The following MPHOSPH9 variants were observed in gnomAD, a reference collection of about 807,000 sequenced individuals.
The protein encoded by MPHOSPH9 is M-phase phosphoprotein 9.
Under a neutral mutation model 145.5 loss-of-function variants are expected in MPHOSPH9, and 88 were observed. The ratio of observed to expected loss-of-function variants is 0.60; its 90% confidence interval spans 0.51 to 0.72. The LOEUF (loss-of-function observed/expected upper bound fraction) is 0.72, where lower values mean the gene tolerates loss of function less well. MPHOSPH9 is among the 30% of genes least tolerant of loss of function. The probability of loss-of-function intolerance (pLI) is 0.00; values close to 1 mark genes in which losing one functional copy is unlikely to be tolerated. For missense variants in MPHOSPH9, 1,238 were observed against 1,386.6 expected (o/e 0.89, Z 1.70); for synonymous variants, 435 against 486.2 (o/e 0.89, Z 1.39).
intron 10 of MPHOSPH9, 71 bp downstream of exon 10, chr12:123,202,553 A>G: frequency 7.0e-6 from 10 of 1,435,748 alleles, no homozygotes; most frequent in Non-Finnish European, 8.5e-6. Flanking sequence ...CTGAAGTTCA[A>G]TAAAGATCAT....
At chr12:123,153,186 G>A (rs998943184), downstream of MPHOSPH9, 3 of 152,128 alleles carry the variant, frequency 2.0e-5, no homozygotes, top group African/African-American at 7.2e-5. Flanking sequence ...GAGGATACTG[G>A]CAATAATTTT....
chr12:123,222,343 T>C (rs2047239463), intron 4 of MPHOSPH9, among the ~76,000 whole-genome samples: 1 of 136,324 alleles, frequency 7.3e-6, no homozygotes, highest in African/African-American at 2.8e-5. Context: ...AAAAAAAAAT[T>C]GATATAACGT....
At chr12:123,161,008 C>G in intron 22 of MPHOSPH9, 128 bp downstream of exon 22, 1 of 1,356,420 alleles carries the variant, frequency 7.4e-7, no homozygotes, top group Non-Finnish European at 1.0e-6. Flanking sequence ...AAATCCGTTG[C>G]TAGCACAGCT....
chr12:123,195,534 C>T (rs2045907967), intron 12 of MPHOSPH9, among the ~76,000 whole-genome samples: 1 of 151,374 alleles, frequency 6.6e-6, no homozygotes, highest in South Asian at 2.1e-4. Context: ...GGCAACGAGC[C>T]GAGATCATGC....
At chr12:123,194,259 ACT>A in intron 13 of MPHOSPH9, 125 bp downstream of exon 13, 1 of 667,478 alleles carries the variant, frequency 1.5e-6, no homozygotes, top group Non-Finnish European at 2.4e-6. Flanking sequence ...TCAGAGTGAG[ACT>A]CTGTCTCAAA....
chr12:123,202,380 A>G (rs1321503007), intron 10 of MPHOSPH9, 61 bp from the exon 11 acceptor site: 8 of 1,477,136 alleles, frequency 5.4e-6, no homozygotes, highest in Middle Eastern at 1.8e-4. Flanking sequence ...CCATCCCACA[A>G]GAGAAACCAA....
chr12:123,210,614 C>T (rs1403404437), intron 7 of MPHOSPH9, among the ~76,000 whole-genome samples: 1 of 151,782 alleles, frequency 6.6e-6, no homozygotes, highest in African/African-American at 2.4e-5. Flanking sequence ...ATCGCTTGAA[C>T]CCAGGAGACA....
Position 123,179,045 on chromosome 12 carries a change from G to T in MPHOSPH9, c.2354+881C>A, listed in dbSNP as rs944138485. ...CTTGCCAGTGGTTAAATATCATTTG[G>T]ATTTTAACCTATGCTGAGAAAATAC... On this transcript the variant is annotated intron_variant, in intron 15 of 23. Coordinates refer to ENST00000606320, the MANE Select transcript of MPHOSPH9 (RefSeq NM_022782.4). Among the ~76,000 whole-genome samples the T allele has an allele frequency of 2.0e-5, 3 of 152,148 alleles. No individual in the cohort carries two copies. In the East Asian group the frequency reaches 5.8e-4, roughly 29 times the overall value.
At chr12:123,186,418 T>C (rs1272304958) in intron 13 of MPHOSPH9, among the ~76,000 whole-genome samples, 2 of 152,082 alleles carry the variant, frequency 1.3e-5, no homozygotes. Context: ...AACTGGTAAA[T>C]CTAGGTAAAG....
intron 13 of MPHOSPH9, among the ~76,000 whole-genome samples, chr12:123,181,642 G>A (rs771429967): frequency 4.6e-5 from 7 of 152,098 alleles, no homozygotes; most frequent in African/African-American, 7.2e-5. Flanking sequence ...AGTATTGCTT[G>A]AGCCTGAAAG....
At chr12:123,186,085 C>A (rs1016805045) in intron 13 of MPHOSPH9, among the ~76,000 whole-genome samples, 4 of 151,720 alleles carry the variant, frequency 2.6e-5, no homozygotes, top group African/African-American at 9.7e-5. Context: ...ATTAGCTGGG[C>A]ATGGGGTGGT....
chr12:123,159,380 G>T lies in MPHOSPH9; in HGVS notation c.3450+1401C>A, dbSNP rs967302248. ...GGGTTTTGCCATGTTGGCCAGGCTG[G>T]TCTTGAACTCCTGACCTCGTGATCC... On this transcript the variant is annotated intron_variant, in intron 23 of 23. Coordinates refer to ENST00000606320, the MANE Select transcript of MPHOSPH9 (RefSeq NM_022782.4). The surrounding 1 kb of genome is among the most constrained non-coding windows in gnomAD (Gnocchi z 4.3). Among the ~76,000 whole-genome samples the T allele has an allele frequency of 2.0e-5, 3 of 152,058 alleles. No individual in the cohort carries two copies. The highest frequency in any genetic ancestry group is 4.8e-5 in the African/African-American group (2 of 41,414).
At chr12:123,232,729 C>G (rs2047712433) in intron 1 of MPHOSPH9, among the ~76,000 whole-genome samples, 1 of 152,110 alleles carries the variant, frequency 6.6e-6, no homozygotes. Flanking sequence ...GAAAAGCCAC[C>G]GCTCCTGCAA....
rs375167794 is a variant in MPHOSPH9, at chr12:123,163,907, A to G, written c.2908+43T>C. On this transcript the variant is annotated intron_variant, in intron 19 of 23. Transcript: ENST00000606320. ...GGGCACAAATAGATTTGACTCAGAG[A>G]TCACGCTTTTGAACCCAAGAGATGT... 3 of 1,610,048 alleles carry G rather than the reference A, an allele frequency of 1.9e-6. No individual in the cohort carries two copies. In the African/African-American group the frequency reaches 4.0e-5, roughly 22 times the overall value.
At chr12:123,181,236 A>G (rs780360912) in intron 13 of MPHOSPH9, 26 bp from the exon 14 acceptor site, 9 of 1,592,014 alleles carry the variant, frequency 5.7e-6, no homozygotes, top group Admixed American at 5.1e-5. Flanking sequence ...AAAAAAAATT[A>G]TACCACAAAA....
At chr12:123,194,347 G>T in intron 13 of MPHOSPH9, 39 bp downstream of exon 13, 2 of 1,245,648 alleles carry the variant, frequency 1.6e-6, no homozygotes, top group Non-Finnish European at 1.1e-6. Context: ...ATTACTTTTA[G>T]CCAATCACGT....
At chr12:123,179,529 T>A (rs559172118) in intron 15 of MPHOSPH9, among the ~76,000 whole-genome samples, 3 of 151,956 alleles carry the variant, frequency 2.0e-5, no homozygotes, top group Non-Finnish European at 4.4e-5. Flanking sequence ...GAGCCAAGAT[T>A]GTGCCACTGC....
chr12:123,215,197 G>C (rs1157614316), intron 6 of MPHOSPH9, among the ~76,000 whole-genome samples: 2 of 152,044 alleles, frequency 1.3e-5, no homozygotes, highest in African/African-American at 4.8e-5. Flanking sequence ...AGCCGAGATC[G>C]TGCCACTGCA....
At chr12:123,200,806 G>A (rs1435851488) in intron 11 of MPHOSPH9, among the ~76,000 whole-genome samples, 4 of 151,650 alleles carry the variant, frequency 2.6e-5, no homozygotes, top group South Asian at 2.1e-4. Flanking sequence ...CTACAGGTGC[G>A]CACCACCACA....
Sources: allele counts gnomAD v4.1 joint callset (sites outside exome capture counted in the v4.1 genomes callset), GRCh38; gene constraint gnomAD v4.1.1; non-coding constraint Gnocchi (gnomAD v3.1); transcripts MANE v1.5; gene names NCBI Gene and HGNC (gene_info 2026-07-23, HGNC 2026-07-21).